Variants in WDR33 observed in about 807,000 individuals in gnomAD.
WDR33 encodes the protein WD repeat domain 33.
WDR33 carries 47 observed loss-of-function variants against 164.9 expected under a neutral mutation model. That is an observed-to-expected ratio of 0.29 (90% CI 0.23 to 0.36). WDR33 has a LOEUF of 0.36. WDR33 is among the 10% of genes least tolerant of loss of function. The pLI, the probability that WDR33 is intolerant of heterozygous loss-of-function variation, is 1.00. For missense variants in WDR33, 1,137 were observed against 1,754.1 expected (o/e 0.65, Z 6.28); for synonymous variants, 505 against 589.0 (o/e 0.86, Z 2.06).
intron 1 of WDR33, among the ~76,000 whole-genome samples, chr2:127,788,389 A>C (rs1488970950): frequency 5.0e-5 from 4 of 80,700 alleles, no homozygotes; most frequent in East Asian, 3.8e-4. Flanking sequence ...GGCGCTCCTC[A>C]CCTCCCGGAC....
At chr2:127,768,572 AC>A (rs1352628371) in intron 3 of WDR33, among the ~76,000 whole-genome samples, 1 of 152,218 alleles carries the variant, frequency 6.6e-6, no homozygotes, top group Non-Finnish European at 1.5e-5. Flanking sequence ...CCCAGTTAGT[AC>A]TTAAAGTCAA....
Position 127,723,154 on chromosome 2 carries a change from T to C in WDR33, c.1291+99A>G. ...ACTGATGATTTATAAATAAATCTAC[T>C]ATAAAATTAAAATTCATTTTGTATA... is the stretch of plus-strand genomic sequence containing the variant. On this transcript the variant is annotated intron_variant, in intron 12 of 21. Coordinates refer to ENST00000322313, the MANE Select transcript of WDR33 (RefSeq NM_018383.5). The surrounding 1 kb of genome is among the most constrained non-coding windows in gnomAD (Gnocchi z 5.9). The C allele has an allele frequency of 7.0e-7, 1 of 1,422,162 alleles. No homozygotes were observed. The highest frequency in any genetic ancestry group is 2.3e-5 in the East Asian group (1 of 43,452). The allele number at this position is 1,422,162 out of a possible 1,614,324, so 88.1% of individuals were successfully genotyped here. A position where few individuals can be genotyped will look rare whatever the true frequency, so the allele number is the denominator to read the frequency against.
At position 127,722,573 on chromosome 2, in the gene WDR33, G is replaced by A; in HGVS notation, c.1518+18C>T. On this transcript the variant is annotated intron_variant, in intron 14 of 21. Coordinates refer to ENST00000322313, the MANE Select transcript of WDR33 (RefSeq NM_018383.5). This position sits in a 1 kb window ranked among gnomAD's most constrained non-coding sequence, Gnocchi z 5.1. ...CAAAACCTCTCTGCGTGGATGAGGT[G>A]GAGTCACTTTTACTTACCTGCTGGA... 1.2e-6 allele frequency: 2 copies of A among 1,610,216 alleles called. No homozygotes were observed. The highest frequency in any genetic ancestry group is 1.3e-5 in the African/African-American group (1 of 74,850).
intron 4 of WDR33, 104 bp from the exon 5 acceptor site, chr2:127,765,373 G>T (rs1687790615): frequency 1.3e-6 from 1 of 788,706 alleles, no homozygotes. Flanking sequence ...ATTAAATAAT[G>T]ATACTGACTT....
At position 127,711,780 on chromosome 2, in the gene WDR33, A is replaced by ATATATATT; in HGVS notation, c.3308+1802_3308+1803insAATATATA. 4.2e-3 allele frequency among the ~76,000 whole-genome samples: 371 copies of ATATATATT among 88,288 alleles called. 14 individuals are homozygous for ATATATATT. Among genetic ancestry groups the ATATATATT allele is most frequent in the African/African-American group, 0.022 (337 of 15,420 alleles). 57.9% of individuals were successfully genotyped at this position (88,288 alleles called of 152,430 possible). ...TATATATATATATATATATATATAT[A>ATATATATT]TTTTTTTTTTGAGACAGAGTCTCGC... On this transcript the variant is annotated intron_variant, in intron 18 of 21. Coordinates refer to ENST00000322313, the MANE Select transcript of WDR33 (RefSeq NM_018383.5).
At chr2:127,736,816 A>T (rs1308025541) in intron 7 of WDR33, 1 of 985,452 alleles carries the variant, frequency 1.0e-6, no homozygotes, top group South Asian at 4.7e-5. Context: ...TGAAACTTAC[A>T]TATCAGGCTG....
At position 127,714,804 on chromosome 2, in the gene WDR33, T is replaced by G. The variant is rs1230921072; in HGVS notation, c.2870-783A>C. Reference sequence around the variant, plus strand: ...GTTCACCTCCTAACTTGGAAGGGACTGTTTTTCCAGCTACTGAACTACTGC... The same window carrying G: ...GTTCACCTCCTAACTTGGAAGGGACGGTTTTTCCAGCTACTGAACTACTGC... On this transcript the variant is annotated intron_variant, in intron 17 of 21. Coordinates refer to ENST00000322313, the MANE Select transcript of WDR33 (RefSeq NM_018383.5). This position sits in a 1 kb window ranked among gnomAD's most constrained non-coding sequence, Gnocchi z 4.3. Among the ~76,000 whole-genome samples the G allele has an allele frequency of 2.0e-5, 3 of 152,240 alleles. No homozygotes were observed. The highest frequency in any genetic ancestry group is 2.9e-5 in the Non-Finnish European group (2 of 68,032).
rs1411783638 is a variant in WDR33 at position 127,703,236 on chromosome 2, C to A, written c.*3087G>T. 6.0e-6 allele frequency: 1 copy of A among 167,042 alleles called. No individual in the cohort carries two copies. Among genetic ancestry groups the A allele is most frequent in the Non-Finnish European group, 1.5e-5 (1 of 68,108 alleles). 10.3% of individuals were successfully genotyped at this position (167,042 alleles called of 1,614,324 possible). A position where few individuals can be genotyped will look rare whatever the true frequency, so the allele number is the denominator to read the frequency against. On this transcript the variant is annotated 3_prime_UTR_variant, in exon 22 of 22. Transcript: ENST00000322313. Reference sequence around the variant, plus strand: ...CTCGCGCTTGACTGCACATCAGTTACTTGAAGAGCCACACCTCAGATCAAT... The same window carrying A: ...CTCGCGCTTGACTGCACATCAGTTAATTGAAGAGCCACACCTCAGATCAAT...
chr2:127,752,417 C>A (rs1023553518), intron 7 of WDR33, among the ~76,000 whole-genome samples: 1 of 151,286 alleles, frequency 6.6e-6, no homozygotes, highest in Non-Finnish European at 1.5e-5. Flanking sequence ...GGTGAAACCC[C>A]GTCTCTACTA....
intron 4 of WDR33, among the ~76,000 whole-genome samples, chr2:127,767,529 C>A (rs900287470): frequency 6.6e-6 from 1 of 151,836 alleles, no homozygotes; most frequent in African/African-American, 2.4e-5. Flanking sequence ...CTGGCTAACA[C>A]GGTGAAACCC....
In WDR33 at chr2:127,745,272, C is replaced by G. The variant is rs537680652; in HGVS notation, c.724+17790G>C. Among the ~76,000 whole-genome samples the G allele has an allele frequency of 2.4e-3, 361 of 152,270 alleles. 1 individual carries two copies. Among genetic ancestry groups the G allele is most frequent in the Non-Finnish European group, 3.5e-3 (238 of 68,018 alleles). On this transcript the variant is annotated intron_variant, in intron 7 of 21. Transcript: ENST00000322313. Reference sequence around the variant, plus strand: ...AAATCACATAACTGTGCTATCGATCCTTCCCAGAGAGAATTCTGGTTAATC... The same window carrying G: ...AAATCACATAACTGTGCTATCGATCGTTCCCAGAGAGAATTCTGGTTAATC...
Position 127,768,288 on chromosome 2 carries a change from G to T in WDR33, c.279C>A (p.Val93=), listed in dbSNP as rs753296389. Residue 93 remains valine, a synonymous_variant, in exon 4 of 22, where the codon GTC becomes GTA. Coordinates refer to ENST00000322313, the MANE Select transcript of WDR33 (RefSeq NM_018383.5). ...GATTATTCAACATTCCTATAGGTGGGACCAGCTACAAAAAAGGAAAATTGG... is the reference window on the plus strand; with the variant it reads ...GATTATTCAACATTCCTATAGGTGGTACCAGCTACAAAAAAGGAAAATTGG... ...QPDAGYYNDL[V]PPIGMLNNPM... is the part of the protein sequence containing the mutation. 2 of 1,540,242 alleles carry T rather than the reference G, an allele frequency of 1.3e-6. No individual in the cohort carries two copies. The highest frequency in any genetic ancestry group is 1.9e-5 in the Admixed American group (1 of 51,714).
Position 127,720,354 on chromosome 2 carries a change from C to A in WDR33, c.1672-1G>T. 6.7e-7 allele frequency: 1 copy of A among 1,500,802 alleles called. No individual in the cohort carries two copies. The highest frequency in any genetic ancestry group is 8.9e-7 in the Non-Finnish European group (1 of 1,125,658). 93.0% of individuals were successfully genotyped at this position (1,500,802 alleles called of 1,614,324 possible). A position where few individuals can be genotyped will look rare whatever the true frequency, so the allele number is the denominator to read the frequency against. ...GTGCAAGTCTTTCAATTTTAAGTTG[C>A]TGGAAAGAAAGAAAGAAAAAAGCAT... On this transcript the variant is annotated splice_acceptor_variant, in intron 15 of 21. Coordinates refer to ENST00000322313, the MANE Select transcript of WDR33 (RefSeq NM_018383.5). LOFTEE classifies it high-confidence loss of function. The surrounding 1 kb of genome is among the most constrained non-coding windows in gnomAD (Gnocchi z 5.9).
chr2:127,802,704 G>A (rs888312212), intron 1 of WDR33, among the ~76,000 whole-genome samples: 1 of 152,160 alleles, frequency 6.6e-6, no homozygotes, highest in African/African-American at 2.4e-5. Context: ...ACGTCTGGGT[G>A]CAGTGGCTCA....
At chr2:127,792,825 C>G (rs1476140191) in intron 1 of WDR33, among the ~76,000 whole-genome samples, 2 of 152,018 alleles carry the variant, frequency 1.3e-5, no homozygotes, top group African/African-American at 4.8e-5. Flanking sequence ...ACTCTGTTAT[C>G]TTAGGAGAAA....
intron 2 of WDR33, among the ~76,000 whole-genome samples, chr2:127,769,957 G>A (rs1422733644): frequency 6.6e-6 from 1 of 152,158 alleles, no homozygotes. Context: ...TATCTAAGTT[G>A]CTTTTACCCT....
At chr2:127,759,353 A>C (rs1388074983) in intron 7 of WDR33, among the ~76,000 whole-genome samples, 4 of 152,226 alleles carry the variant, frequency 2.6e-5, no homozygotes, top group African/African-American at 4.8e-5. Context: ...CTGTAACTTC[A>C]ACCTTTTCTA....
At chr2:127,727,779 G>A (rs1174679381) in intron 7 of WDR33, among the ~76,000 whole-genome samples, 4 of 152,222 alleles carry the variant, frequency 2.6e-5, no homozygotes, top group Non-Finnish European at 5.9e-5. Context: ...GATGAGGAGT[G>A]AGGAAGAACA....
intron 4 of WDR33, among the ~76,000 whole-genome samples, chr2:127,766,247 C>T (rs531303932): frequency 2.6e-5 from 4 of 152,212 alleles, no homozygotes; most frequent in African/African-American, 9.6e-5. Flanking sequence ...TACAACAATC[C>T]TATTTTCCAA....
Sources: allele counts gnomAD v4.1 joint callset (sites outside exome capture counted in the v4.1 genomes callset), GRCh38; gene constraint gnomAD v4.1.1; non-coding constraint Gnocchi (gnomAD v3.1); transcripts MANE v1.5; gene names NCBI Gene and HGNC (gene_info 2026-07-23, HGNC 2026-07-21).